ITSN2: variants seen among roughly 807,000 people sequenced by gnomAD.
ITSN2 encodes intersectin 2, also known as intersectin-2.
A neutral mutation model predicts 243.7 loss-of-function variants in ITSN2; 156 were observed. That is an observed-to-expected ratio of 0.64 (90% CI 0.56 to 0.73). The LOEUF (loss-of-function observed/expected upper bound fraction) is 0.73, where lower values mean the gene tolerates loss of function less well. Among genes scored for constraint, ITSN2 ranks in the 30% least tolerant of loss-of-function variants. The pLI, the probability that ITSN2 is intolerant of heterozygous loss-of-function variation, is 0.00. For missense variants in ITSN2, 1,801 were observed against 1,996.1 expected, an observed-to-expected ratio of 0.90 and a Z score of 1.86; for synonymous variants, 703 against 699.9, an observed-to-expected ratio of 1.00 and a Z score of -0.07.
At chr2:24,337,788 G>A (rs1281940824) in intron 1 of ITSN2, among the ~76,000 whole-genome samples, 2 of 151,290 alleles carry the variant, frequency 1.3e-5, no homozygotes, top group Non-Finnish European at 2.9e-5. Flanking sequence ...ACTATGCCCA[G>A]CTTCCTGCAG....
chr2:24,261,023 G>T, intron 22 of ITSN2, 83 bp downstream of exon 22: 2 of 1,218,886 alleles, frequency 1.6e-6, no homozygotes, highest in Non-Finnish European at 1.1e-6. Flanking sequence ...ATGAGTGAAT[G>T]GTCCTTTGTA....
intron 1 of ITSN2, chr2:24,330,626 T>A: frequency 1.3e-6 from 1 of 761,278 alleles, no homozygotes; most frequent in Non-Finnish European, 2.4e-6. Flanking sequence ...ATGGAGATGC[T>A]AAAACAGACG....
chr2:24,295,005 T>TC (rs1453352027), intron 14 of ITSN2, among the ~76,000 whole-genome samples: 1 of 152,212 alleles, frequency 6.6e-6, no homozygotes, highest in African/African-American at 2.4e-5. Context: ...CTTGGACTTC[T>TC]CAGTCTCTAG....
rs763336031 is a variant in ITSN2 at position 24,298,699 on chromosome 2, T to C, written c.1460A>G (p.Lys487Arg). The C allele has an allele frequency of 6.2e-7, 1 of 1,605,804 alleles. No individual in the cohort carries two copies. The highest frequency in any genetic ancestry group is 1.1e-5 in the South Asian group (1 of 88,444). ...CAACTCAAGATGAAGATTCTTCTTTTTAGAGTTTAACCTGACAATTTCTTC... is the reference window on the plus strand; with the variant it reads ...CAACTCAAGATGAAGATTCTTCTTTCTAGAGTTTAACCTGACAATTTCTTC... ...EQEEIVRLNS[K>R]KKNLHLELEA... Residue 487 changes from lysine (K) to arginine (R), a missense_variant, in exon 13 of 40, where the codon AAA becomes AGA. Coordinates refer to ENST00000355123, the MANE Select transcript of ITSN2 (RefSeq NM_006277.3).
In ITSN2 at chr2:24,204,438, A is replaced by G; in HGVS notation, c.4763-20T>C. 6.2e-7 allele frequency: 1 copy of G among 1,613,472 alleles called. No homozygotes were observed. The highest frequency in any genetic ancestry group is 8.5e-7 in the Non-Finnish European group (1 of 1,179,422). On this transcript the variant is annotated intron_variant, in intron 38 of 39. Coordinates refer to ENST00000355123, the MANE Select transcript of ITSN2 (RefSeq NM_006277.3). The surrounding 1 kb of genome is among the most constrained non-coding windows in gnomAD (Gnocchi z 5.1). ...TCTTTCCTGAACAAAAACAAACCAC[A>G]GACACATGTGGTGCATGCAGGTAAA...
intron 15 of ITSN2, among the ~76,000 whole-genome samples, chr2:24,288,164 C>A (rs1416240018): frequency 6.6e-6 from 1 of 152,036 alleles, no homozygotes; most frequent in Non-Finnish European, 1.5e-5. Flanking sequence ...GGTTTCATGT[C>A]TTATGTTTAA....
rs183704649 is a variant in ITSN2, at chr2:24,216,958, G to A, written c.3807-726C>T. Reference sequence around the variant, plus strand: ...AAATTAGCCGGGCGCAGTGGTGGGCGCCTGTATCCCAGCTACTCGGGAGGC... The same window carrying A: ...AAATTAGCCGGGCGCAGTGGTGGGCACCTGTATCCCAGCTACTCGGGAGGC... On this transcript the variant is annotated intron_variant, in intron 31 of 39. Transcript: ENST00000355123. Among the ~76,000 whole-genome samples the A allele has an allele frequency of 1.3e-3, 204 of 151,992 alleles. 1 individual carries two copies. Among genetic ancestry groups the A allele is most frequent in the African/African-American group, 4.6e-3 (192 of 41,480 alleles).
intron 1 of ITSN2, among the ~76,000 whole-genome samples, chr2:24,353,247 G>A (rs1400753993): frequency 6.6e-6 from 1 of 152,046 alleles, no homozygotes; most frequent in African/African-American, 2.4e-5. Flanking sequence ...AATAATCTAC[G>A]AAAGAAGAAA....
chr2:24,216,821 C>G (rs1184293687), intron 31 of ITSN2, among the ~76,000 whole-genome samples: 1 of 152,028 alleles, frequency 6.6e-6, no homozygotes, highest in Admixed American at 6.6e-5. Context: ...CATGGTGGCT[C>G]ACGCCTGTAA....
chr2:24,299,092 C>T (rs1681389056), intron 12 of ITSN2, among the ~76,000 whole-genome samples: 1 of 149,812 alleles, frequency 6.7e-6, no homozygotes, highest in African/African-American at 2.5e-5. Flanking sequence ...TGCAGTGGCA[C>T]CACCTTGGCT....
chr2:24,323,198 A>ACTC (rs1553389526), intron 2 of ITSN2, among the ~76,000 whole-genome samples: 1 of 492 alleles, frequency 2.0e-3, no homozygotes, highest in Non-Finnish European at 3.2e-3. Flanking sequence ...CCAACAATAG[A>ACTC]CTGAGTATTA....
At chr2:24,293,851 C>T (rs1680602404) in intron 14 of ITSN2, 76 bp from the exon 15 acceptor site, 2 of 474,788 alleles carry the variant, frequency 4.2e-6, no homozygotes, top group Non-Finnish European at 7.7e-6. Context: ...AACTTTAAAA[C>T]AGGATTTACT....
intron 34 of ITSN2, 57 bp downstream of exon 34, chr2:24,210,723 C>G: frequency 6.5e-7 from 1 of 1,544,260 alleles, no homozygotes; most frequent in South Asian, 1.2e-5. Context: ...AGGCTCGGAG[C>G]TGGTTCCCCA....
chr2:24,242,050 C>T (rs1010922560), intron 29 of ITSN2: 3 of 152,414 alleles, frequency 2.0e-5, no homozygotes, highest in African/African-American at 7.3e-5. Flanking sequence ...GTTAGAAACA[C>T]AAAAAAATAA....
intron 12 of ITSN2, among the ~76,000 whole-genome samples, chr2:24,299,261 T>C (rs886410983): frequency 2.0e-5 from 3 of 152,128 alleles, no homozygotes; most frequent in African/African-American, 7.2e-5. Context: ...GACCATCCTT[T>C]TGTTACAGTC....
chr2:24,345,783 T>C (rs571426764), intron 1 of ITSN2, among the ~76,000 whole-genome samples: 44 of 151,970 alleles, frequency 2.9e-4, no homozygotes, highest in African/African-American at 9.4e-4. Context: ...GCTTTTAATC[T>C]AGCTTGTTTG....
intron 1 of ITSN2, among the ~76,000 whole-genome samples, chr2:24,358,458 C>A (rs950930381): frequency 6.6e-6 from 1 of 152,100 alleles, no homozygotes; most frequent in Non-Finnish European, 1.5e-5. Context: ...CATGCAGTTA[C>A]GTGCTCGATA....
intron 1 of ITSN2, among the ~76,000 whole-genome samples, chr2:24,342,075 T>C (rs1687093053): frequency 6.6e-6 from 1 of 152,206 alleles, no homozygotes; most frequent in Non-Finnish European, 1.5e-5. Flanking sequence ...CTGGGACAGA[T>C]ATTTCTGTCT....
chr2:24,310,392 AAAG>A lies in ITSN2; in HGVS notation c.557-15_557-13del, dbSNP rs763211587. 20 of 1,611,350 alleles carry A rather than the reference AAAG, an allele frequency of 1.2e-5. No homozygotes were observed. The highest frequency in any genetic ancestry group is 1.4e-5 in the Non-Finnish European group (17 of 1,178,398). ...CCCATGAGGCAATGCTAAAAAAGAA[AAAG>A]AAGGAAAAGTATGAAAGAAATTTGT... On this transcript the variant is annotated splice_polypyrimidine_tract_variant and intron_variant, in intron 6 of 39. Transcript: ENST00000355123.
Sources: gnomAD v4.1 joint callset for allele counts (sites outside exome capture counted in the v4.1 genomes callset) on GRCh38, gnomAD v4.1.1 for gene constraint, Gnocchi (gnomAD v3.1) non-coding constraint, MANE v1.5 for transcripts, NCBI Gene and HGNC (gene_info 2026-07-23, HGNC 2026-07-21) for gene names.